ZFYVE28: variants seen among roughly 807,000 people sequenced by gnomAD.
ZFYVE28 encodes lateral signaling target protein 2 homolog.
Under a neutral mutation model 82.1 loss-of-function variants are expected in ZFYVE28, and 40 were observed. The ratio of observed to expected loss-of-function variants is 0.49; its 90% CI spans 0.38 to 0.63. The LOEUF (loss-of-function observed/expected upper bound fraction) is 0.63. Among genes scored for constraint, ZFYVE28 ranks in the 30% least tolerant of loss-of-function variants. The pLI, the probability that ZFYVE28 is intolerant of heterozygous loss-of-function variation, is 0.00. For synonymous variants in ZFYVE28, 612 were observed against 546.1 expected, an observed-to-expected ratio of 1.12 and a Z score of -1.68; for missense variants, 1,321 against 1,242.1, an observed-to-expected ratio of 1.06 and a Z score of -0.96.
At chr4:2,331,317 T>C (rs1158429540) in intron 6 of ZFYVE28, among the ~76,000 whole-genome samples, 4 of 151,204 alleles carry the variant, frequency 2.6e-5, no homozygotes, top group Non-Finnish European at 5.9e-5. Context: ...GGTCTAGAGG[T>C]TTTATTTCAT....
chr4:2,327,711 A>G lies in ZFYVE28; in HGVS notation c.702-7440T>C, dbSNP rs551012941. On this transcript the variant is annotated intron_variant, in intron 6 of 12. Coordinates refer to ENST00000290974, the MANE Select transcript of ZFYVE28 (RefSeq NM_020972.3). ...AATGAGATGATCATATGGTTTTTTTATTCTATTAATGTGATGTATCACAAT... is the reference window on the plus strand; with the variant it reads ...AATGAGATGATCATATGGTTTTTTTGTTCTATTAATGTGATGTATCACAAT... 2.0e-5 allele frequency among the ~76,000 whole-genome samples: 3 copies of G among 152,154 alleles called. No homozygotes were observed. The South Asian group carries it at 6.2e-4, about 32-fold the overall frequency.
At chr4:2,389,455 T>C (rs1455792291) in intron 1 of ZFYVE28, among the ~76,000 whole-genome samples, 1 of 152,218 alleles carries the variant, frequency 6.6e-6, no homozygotes, top group Admixed American at 6.5e-5. Flanking sequence ...CTCAGCCTGC[T>C]AGAGCCCCAT....
chr4:2,309,426 C>T (rs529166278), intron 7 of ZFYVE28, among the ~76,000 whole-genome samples: 1 of 152,304 alleles, frequency 6.6e-6, no homozygotes, highest in Non-Finnish European at 1.5e-5. Context: ...ATTTTGATTT[C>T]ATTTCGCATT....
chr4:2,368,324 C>G (rs1353380090), intron 1 of ZFYVE28, among the ~76,000 whole-genome samples: 1 of 151,960 alleles, frequency 6.6e-6, no homozygotes, highest in African/African-American at 2.4e-5. Context: ...ATCGCTTGAG[C>G]CCGGGAGGTG....
At chr4:2,334,133 T>G (rs967979871) in intron 6 of ZFYVE28, among the ~76,000 whole-genome samples, 1 of 152,152 alleles carries the variant, frequency 6.6e-6, no homozygotes, top group Non-Finnish European at 1.5e-5. Flanking sequence ...CTCTCTCTGG[T>G]TTGCTAACTT....
intron 1 of ZFYVE28, among the ~76,000 whole-genome samples, chr4:2,376,115 C>T (rs561134544): frequency 7.2e-5 from 11 of 151,936 alleles, no homozygotes; most frequent in African/African-American, 1.9e-4. Context: ...CTTCGTGATC[C>T]GCCCGCCTCG....
chr4:2,337,450 C>T lies in ZFYVE28; in HGVS notation c.568G>A (p.Val190Met), dbSNP rs139692789. The T allele has an allele frequency of 3.4e-5, 54 of 1,610,840 alleles. No individual in the cohort carries two copies. Among genetic ancestry groups the T allele is most frequent in the African/African-American group, 9.3e-5 (7 of 74,956 alleles). The change falls in exon 5 of 13, where the codon GTG (valine) becomes ATG (methionine). Residue 190 changes from valine (V) to methionine (M), a missense_variant. Val to Met is a conservative substitution (Grantham distance 21, BLOSUM62 1). Around this residue, in one of 2 missense-constraint regions of ZFYVE28, gnomAD observed 343 missense variants for 408.4 expected, o/e 0.84. Coordinates refer to ENST00000290974, the MANE Select transcript of ZFYVE28 (RefSeq NM_020972.3). Reference sequence around the variant, plus strand: ...AAGAGCACGATGACCTCCTGCTGCACGTAGTACTCCCTGGGGGACTTCACA... The same window carrying T: ...AAGAGCACGATGACCTCCTGCTGCATGTAGTACTCCCTGGGGGACTTCACA... ...VPVKSPREYY[V>M]QQEVIVLFCE...
At chr4:2,318,075 C>G (rs1188767621) in intron 7 of ZFYVE28, among the ~76,000 whole-genome samples, 1 of 152,256 alleles carries the variant, frequency 6.6e-6, no homozygotes, top group Non-Finnish European at 1.5e-5. Context: ...TTCACCAGCC[C>G]TTGATTAGAT....
chr4:2,342,056 G>A (rs571942563), intron 2 of ZFYVE28, among the ~76,000 whole-genome samples: 1 of 152,306 alleles, frequency 6.6e-6, no homozygotes, highest in South Asian at 2.1e-4. Flanking sequence ...GTCGGCTGGG[G>A]ACCTGCAAAG....
At chr4:2,345,222 C>T (rs1482868079) in intron 2 of ZFYVE28, among the ~76,000 whole-genome samples, 2 of 151,726 alleles carry the variant, frequency 1.3e-5, no homozygotes, top group African/African-American at 4.8e-5. Flanking sequence ...AAAAAATTAC[C>T]AAGCTTGCAA....
intron 2 of ZFYVE28, among the ~76,000 whole-genome samples, chr4:2,349,624 G>T (rs1724068252): frequency 6.6e-6 from 1 of 152,202 alleles, no homozygotes; most frequent in Non-Finnish European, 1.5e-5. Context: ...GGATGTACTG[G>T]TGAGTGTTGT....
At chr4:2,357,213 G>C (rs1436768368) in intron 1 of ZFYVE28, among the ~76,000 whole-genome samples, 1 of 152,132 alleles carries the variant, frequency 6.6e-6, no homozygotes, top group Non-Finnish European at 1.5e-5. Context: ...CCAGAATTCT[G>C]ACCTTGCTTA....
intron 1 of ZFYVE28, among the ~76,000 whole-genome samples, chr4:2,385,329 C>T (rs1578337654): frequency 1.3e-5 from 2 of 151,880 alleles, no homozygotes; most frequent in African/African-American, 2.4e-5. Context: ...TGAAGCAGGC[C>T]CCAGCGCTGA....
intron 8 of ZFYVE28, among the ~76,000 whole-genome samples, chr4:2,279,200 G>C (rs901642309): frequency 6.6e-6 from 1 of 152,234 alleles, no homozygotes; most frequent in Non-Finnish European, 1.5e-5. Flanking sequence ...GGGAGGCCGA[G>C]GCGAGAGGAT....
chr4:2,358,980 T>TC (rs1486730452), intron 1 of ZFYVE28, among the ~76,000 whole-genome samples: 4 of 148,646 alleles, frequency 2.7e-5, no homozygotes, highest in African/African-American at 1.0e-4. Context: ...TTTTTCTTTT[T>TC]TTTTTTTTTT....
chr4:2,375,171 G>A (rs1326994235), intron 1 of ZFYVE28, among the ~76,000 whole-genome samples: 4 of 152,220 alleles, frequency 2.6e-5, no homozygotes, highest in Non-Finnish European at 5.9e-5. Context: ...AAAATGCGGA[G>A]CCACCGTGGC....
chr4:2,387,413 G>C (rs1457322176), intron 1 of ZFYVE28, among the ~76,000 whole-genome samples: 1 of 152,224 alleles, frequency 6.6e-6, no homozygotes. Context: ...CCGGAAGCAG[G>C]AGACCCAAGT....
intron 1 of ZFYVE28, among the ~76,000 whole-genome samples, chr4:2,358,650 G>T (rs1725685334): frequency 6.6e-6 from 1 of 152,186 alleles, no homozygotes; most frequent in Non-Finnish European, 1.5e-5. Context: ...CTGCTCACTG[G>T]TGGGGTGGGC....
chr4:2,314,399 A>G (rs928160393), intron 7 of ZFYVE28, among the ~76,000 whole-genome samples: 1 of 152,218 alleles, frequency 6.6e-6, no homozygotes, highest in Admixed American at 6.5e-5. Context: ...TATTTAATGT[A>G]ATCACTGATG....
Sources: gnomAD v4.1 joint callset for allele counts (sites outside exome capture counted in the v4.1 genomes callset) on GRCh38, gnomAD v4.1.1 for gene constraint, gnomAD v4.1.1 regional missense constraint, MANE v1.5 for transcripts, NCBI Gene and HGNC (gene_info 2026-07-23, HGNC 2026-07-21) for gene names.